ZNF398: variants seen among roughly 807,000 people sequenced by gnomAD.
The protein encoded by ZNF398 is zinc finger protein 398, also known as zinc finger DNA binding protein ZER6.
A neutral mutation model predicts 41.9 loss-of-function variants in ZNF398; 18 were observed. The observed-to-expected ratio is 0.43, with a 90% CI of 0.30 to 0.64. ZNF398 has a LOEUF of 0.64. ZNF398 is among the 30% of genes least tolerant of loss of function. The pLI, the probability that ZNF398 is intolerant of heterozygous loss-of-function variation, is 0.14. For missense variants in ZNF398, 669 were observed against 822.8 expected (o/e 0.81, Z 2.29); for synonymous variants, 260 against 308.8 (o/e 0.84, Z 1.66).
chr7:149,172,112 C>T (rs1159342077), intron 4 of ZNF398, among the ~76,000 whole-genome samples: 1 of 152,160 alleles, frequency 6.6e-6, no homozygotes, highest in Non-Finnish European at 1.5e-5. Flanking sequence ...TTAGGTACAG[C>T]CAACCACTCA....
chr7:149,175,963 C>T (rs990589783), intron 4 of ZNF398, among the ~76,000 whole-genome samples: 32 of 152,022 alleles, frequency 2.1e-4, no homozygotes, highest in African/African-American at 6.8e-4. Flanking sequence ...TGGGCTTACA[C>T]GCGTGAGTTA....
chr7:149,145,491 TGTTGTTCCTGTAG>T (rs1826918754), upstream of ZNF398, among the ~76,000 whole-genome samples: 1 of 152,230 alleles, frequency 6.6e-6, no homozygotes, highest in South Asian at 2.1e-4. Context: ...TTTGCATCCC[TGTTGTTCCTGTAG>T]ACAGGATCTC....
Position 149,179,972 on chromosome 7 carries a change from C to T in ZNF398, c.*171C>T. 1.7e-6 allele frequency: 1 copy of T among 589,664 alleles called. No individual in the cohort carries two copies. Among genetic ancestry groups the T allele is most frequent in the Non-Finnish European group, 2.8e-6 (1 of 361,962 alleles). 36.5% of individuals were successfully genotyped at this position (589,664 alleles called of 1,614,324 possible). A position where few individuals can be genotyped will look rare whatever the true frequency, so the allele number is the denominator to read the frequency against. On this transcript the variant is annotated 3_prime_UTR_variant, in exon 6 of 6. Transcript: ENST00000475153. The surrounding 1 kb of genome is among the most constrained non-coding windows in gnomAD (Gnocchi z 6.1). ...CATGCTTGTGTTTTGGAATTTCACA[C>T]CCTTACAAGAATACCACATTTTGAA...
In ZNF398 at chr7:149,155,427, G is replaced by A. The variant is rs985223646; in HGVS notation, c.420+1087G>A. Among the ~76,000 whole-genome samples the A allele has an allele frequency of 2.6e-5, 4 of 151,924 alleles. No homozygotes were observed. The East Asian group carries it at 7.8e-4, about 29-fold the overall frequency. On this transcript the variant is annotated intron_variant, in intron 2 of 5. Coordinates refer to ENST00000475153, the MANE Select transcript of ZNF398 (RefSeq NM_170686.3). ...AGAGTGAGACTCCGTCTCCAACAACGACAAAAAAGAAGAATCACCTGGTAG... is the reference window on the plus strand; with the variant it reads ...AGAGTGAGACTCCGTCTCCAACAACAACAAAAAAGAAGAATCACCTGGTAG...
chr7:149,146,334 A>G (rs949692493), upstream of ZNF398, among the ~76,000 whole-genome samples: 1 of 152,142 alleles, frequency 6.6e-6, no homozygotes, highest in Admixed American at 6.6e-5. Context: ...AGCTTGGGCA[A>G]CATAGCGAGA....
At position 149,147,636 on chromosome 7, in the gene ZNF398, G is replaced by T. The variant is rs147482246; in HGVS notation, c.-107G>T. The T allele has an allele frequency of 1.7e-6, 2 of 1,165,914 alleles. No homozygotes were observed. Among genetic ancestry groups the T allele is most frequent in the Non-Finnish European group, 2.1e-6 (2 of 934,920 alleles). The allele number at this position is 1,165,914 out of a possible 1,614,324, so 72.2% of individuals were successfully genotyped here. ...GCGGGGAAGGCAGGGCCGGGTCGGC[G>T]CCGCCTGTGGAGAGGACCCGGCGGC... On this transcript the variant is annotated 5_prime_UTR_variant, in exon 1 of 6. Coordinates refer to ENST00000475153, the MANE Select transcript of ZNF398 (RefSeq NM_170686.3). This position sits in a 1 kb window ranked among gnomAD's most constrained non-coding sequence, Gnocchi z 5.6.
intron 2 of ZNF398, among the ~76,000 whole-genome samples, chr7:149,156,185 G>A (rs1794972799): frequency 6.6e-6 from 1 of 152,020 alleles, no homozygotes; most frequent in Non-Finnish European, 1.5e-5. Context: ...GATGCAGGAT[G>A]TTTGGTGGTA....
At chr7:149,175,989 A>G (rs1795453353) in intron 4 of ZNF398, among the ~76,000 whole-genome samples, 2 of 152,084 alleles carry the variant, frequency 1.3e-5, no homozygotes, top group Non-Finnish European at 2.9e-5. Flanking sequence ...CCCATCCTGT[A>G]TGCATTTTTT....
At position 149,159,831 on chromosome 7, in the gene ZNF398, G is replaced by A. The variant is rs190825348; in HGVS notation, c.420+5491G>A. 4.6e-4 allele frequency among the ~76,000 whole-genome samples: 70 copies of A among 151,976 alleles called. 1 individual carries two copies. The highest frequency in any genetic ancestry group is 9.8e-4 in the Admixed American group (15 of 15,250). ...CAGCCTCCACCTCCCAGGCTCAAGC[G>A]ATTCTCGTGTCTCAGTCCCGAGTAG... On this transcript the variant is annotated intron_variant, in intron 2 of 5. Coordinates refer to ENST00000475153, the MANE Select transcript of ZNF398 (RefSeq NM_170686.3).
upstream of ZNF398, among the ~76,000 whole-genome samples, chr7:149,143,634 T>G (rs1826871345): frequency 6.6e-6 from 1 of 152,154 alleles, no homozygotes; most frequent in Non-Finnish European, 1.5e-5. Flanking sequence ...GCCAACATGG[T>G]GATACCTCGT....
At chr7:149,135,436 TAATTTTAAGTGG>T (rs1826689700) in intron 2 of ZNF398, among the ~76,000 whole-genome samples, 2 of 149,748 alleles carry the variant, frequency 1.3e-5, no homozygotes, top group Non-Finnish European at 3.0e-5. Context: ...AAGAAAGCTT[TAATTTTAAGTGG>T]GAGCTAAGCT....
At chr7:149,133,123 T>C (rs1826632040) in intron 2 of ZNF398, among the ~76,000 whole-genome samples, 1 of 151,912 alleles carries the variant, frequency 6.6e-6, no homozygotes, top group Non-Finnish European at 1.5e-5. Context: ...GTAAGGCTTT[T>C]TTTTTTTTTC....
In ZNF398 at chr7:149,147,893, G is replaced by A. The variant is rs2129519983; in HGVS notation, c.24+127G>A. ...GGTCCCGCCGGCCACGTCGCCTGTC[G>A]CCCGTGCTTGGCGGCTGCAGCCTCG... On this transcript the variant is annotated intron_variant, in intron 1 of 5. Coordinates refer to ENST00000475153, the MANE Select transcript of ZNF398 (RefSeq NM_170686.3). The surrounding 1 kb of genome is among the most constrained non-coding windows in gnomAD (Gnocchi z 5.6). 8.7e-7 allele frequency: 1 copy of A among 1,148,844 alleles called. No individual in the cohort carries two copies. Among genetic ancestry groups the A allele is most frequent in the Non-Finnish European group, 1.1e-6 (1 of 897,870 alleles). The allele number at this position is 1,148,844 out of a possible 1,614,324, so 71.2% of individuals were successfully genotyped here.
chr7:149,161,405 A>G (rs995027327), intron 2 of ZNF398, among the ~76,000 whole-genome samples: 2 of 152,128 alleles, frequency 1.3e-5, no homozygotes, highest in African/African-American at 4.8e-5. Context: ...TTATGTTTCT[A>G]AAGATTGACT....
chr7:149,126,746 C>G, intron 1 of ZNF398: 1 of 153,738 alleles, frequency 6.5e-6, no homozygotes, highest in Non-Finnish European at 1.4e-5. Context: ...GGGAATCCAG[C>G]GAGGCCGGGT....
At chr7:149,173,296 G>A (rs956737758) in intron 4 of ZNF398, among the ~76,000 whole-genome samples, 1 of 151,340 alleles carries the variant, frequency 6.6e-6, no homozygotes, top group South Asian at 2.1e-4. Flanking sequence ...TAGTAGAGAC[G>A]GGGTTTCGCC....
At chr7:149,176,076 T>G (rs2129521749) in intron 4 of ZNF398, among the ~76,000 whole-genome samples, 1 of 152,254 alleles carries the variant, frequency 6.6e-6, no homozygotes, top group Middle Eastern at 3.4e-3. Flanking sequence ...CTCAAGCCTG[T>G]AATCCCAGCA....
intron 2 of ZNF398, among the ~76,000 whole-genome samples, chr7:149,154,913 C>T (rs1794934831): frequency 6.6e-6 from 1 of 151,502 alleles, no homozygotes; most frequent in Non-Finnish European, 1.5e-5. Flanking sequence ...AGCTTGAACC[C>T]AGGAGTTGGA....
intron 2 of ZNF398, 87 bp from the exon 3 acceptor site, chr7:149,166,071 A>G (rs1474103986): frequency 6.9e-7 from 1 of 1,444,590 alleles, no homozygotes; most frequent in African/African-American, 1.4e-5. Context: ...GAAAATGTAA[A>G]AAAAATAAAA....
Sources: allele counts gnomAD v4.1 joint callset (sites outside exome capture counted in the v4.1 genomes callset), GRCh38; gene constraint gnomAD v4.1.1; non-coding constraint Gnocchi (gnomAD v3.1); transcripts MANE v1.5; gene names NCBI Gene and HGNC (gene_info 2026-07-23, HGNC 2026-07-21).